Variants in TRPC5 observed in about 807,000 individuals in gnomAD.
TRPC5 encodes short transient receptor potential channel 5.
TRPC5 carries 9 observed loss-of-function variants against 56.5 expected under a neutral mutation model. That is an observed-to-expected ratio of 0.16 (90% confidence interval 0.10 to 0.28). The LOEUF (loss-of-function observed/expected upper bound fraction) is 0.28, where lower values mean the gene tolerates loss of function less well. TRPC5 is among the 10% of genes least tolerant of loss of function. The probability of loss-of-function intolerance (pLI) is 1.00; values close to 1 mark genes in which losing one functional copy is unlikely to be tolerated. For missense variants in TRPC5, 469 were observed against 748.9 expected (o/e 0.63, Z 4.36); for synonymous variants, 282 against 278.5 (o/e 1.01, Z -0.13).
chrX:111,796,988 T>C (rs1300138576), intron 7 of TRPC5, among the ~76,000 whole-genome samples: 1 of 112,604 alleles, frequency 8.9e-6, no homozygotes, highest in Non-Finnish European at 1.9e-5. Flanking sequence ...AAAATCTCTT[T>C]CTTTACTTGC....
chrX:111,781,471 A>G (rs939125582), intron 8 of TRPC5, among the ~76,000 whole-genome samples: 43 of 112,318 alleles, frequency 3.8e-4, no homozygotes, highest in Non-Finnish European at 1.1e-4. Context: ...CATGCCTGCA[A>G]TCCCAGCACT....
rs181100269 is a variant in TRPC5 at position 111,856,956 on chromosome X, C to A, written c.901-2850G>T. On this transcript the variant is annotated intron_variant, in intron 3 of 10. Coordinates refer to ENST00000262839, the MANE Select transcript of TRPC5 (RefSeq NM_012471.3). Reference sequence around the variant, plus strand: ...GCTCTGTTGTTTACTAACTGTGCAACTGAACAAGTTCTACTCTGTTTTTTA... The same window carrying A: ...GCTCTGTTGTTTACTAACTGTGCAAATGAACAAGTTCTACTCTGTTTTTTA... Among the ~76,000 whole-genome samples, 5 of 110,671 alleles carry A rather than the reference C, an allele frequency of 4.5e-5. No individual in the cohort carries two copies. The East Asian group carries it at 8.5e-4, about 19-fold the overall frequency.
At chrX:111,935,546 G>A (rs2034787084) in intron 2 of TRPC5, among the ~76,000 whole-genome samples, 1 of 111,864 alleles carries the variant, frequency 8.9e-6, no homozygotes, top group Middle Eastern at 4.6e-3. Context: ...TCTTTGCCCA[G>A]ACCAATGTCT....
chrX:112,073,680 G>T (rs1321818718), intron 1 of TRPC5, among the ~76,000 whole-genome samples: 1 of 111,846 alleles, frequency 8.9e-6, no homozygotes, highest in East Asian at 2.8e-4. Flanking sequence ...ATTTTCAAAT[G>T]ACTCCAAGCC....
At chrX:111,905,914 CAAAAA>C (rs1202912083) in intron 3 of TRPC5, among the ~76,000 whole-genome samples, 1 of 37,016 alleles carries the variant, frequency 2.7e-5, no homozygotes, top group Non-Finnish European at 4.9e-5. Context: ...GTCTCTGTCT[CAAAAA>C]AAAAAAAAAA....
chrX:111,886,936 G>A (rs1924533047), intron 3 of TRPC5, among the ~76,000 whole-genome samples: 1 of 112,913 alleles, frequency 8.9e-6, no homozygotes, highest in African/African-American at 3.2e-5. Context: ...AGATGCCAAT[G>A]GTAGCAGTAT....
chrX:111,971,491 G>A (rs560719824), intron 1 of TRPC5, among the ~76,000 whole-genome samples: 6 of 111,565 alleles, frequency 5.4e-5, no homozygotes, highest in Middle Eastern at 4.6e-3. Flanking sequence ...CAGAGATGGA[G>A]TTGCTCTGAT....
chrX:111,903,832 G>T (rs779120205), intron 3 of TRPC5: 1 of 112,217 alleles, frequency 8.9e-6, no homozygotes, highest in Non-Finnish European at 1.9e-5. Flanking sequence ...GTTAAAATAT[G>T]TGGGGAGTTG....
intron 7 of TRPC5, among the ~76,000 whole-genome samples, chrX:111,830,900 G>T (rs766760126): frequency 8.9e-6 from 1 of 112,401 alleles, no homozygotes; most frequent in East Asian, 2.8e-4. Flanking sequence ...AGGCCTACCT[G>T]GATAATCTCT....
At chrX:111,857,038 G>A (rs781018626) in intron 3 of TRPC5, among the ~76,000 whole-genome samples, 14 of 111,202 alleles carry the variant, frequency 1.3e-4, no homozygotes, top group Non-Finnish European at 2.3e-4. Context: ...TTGGTGTGAG[G>A]ATTAAGATCA....
chrX:111,816,088 A>AT (rs1921853049), intron 7 of TRPC5, among the ~76,000 whole-genome samples: 1 of 111,634 alleles, frequency 9.0e-6, no homozygotes, highest in Admixed American at 9.5e-5. Flanking sequence ...AGAGATAGAA[A>AT]TGATATTCAG....
intron 3 of TRPC5, among the ~76,000 whole-genome samples, chrX:111,866,844 G>A (rs1336847337): frequency 8.9e-6 from 1 of 112,349 alleles, no homozygotes; most frequent in Non-Finnish European, 1.9e-5. Flanking sequence ...TTTAATGCCT[G>A]ATTCACATGC....
rs757480532 is a variant in TRPC5 at position 111,980,278 on chromosome X, A to G, written c.-21-27837T>C. ...ACAATATTCTTGAAAATTAAAATGA[A>G]TCTATAGTGAGAAAAAGATCAATGG... On this transcript the variant is annotated intron_variant, in intron 1 of 10. Coordinates refer to ENST00000262839, the MANE Select transcript of TRPC5 (RefSeq NM_012471.3). 4.5e-5 allele frequency among the ~76,000 whole-genome samples: 5 copies of G among 111,537 alleles called. No homozygotes were observed. The East Asian group carries it at 1.4e-3, about 31-fold the overall frequency.
chrX:111,989,489 C>T (rs1451228876), intron 1 of TRPC5, among the ~76,000 whole-genome samples: 1 of 111,763 alleles, frequency 8.9e-6, no homozygotes, highest in African/African-American at 3.3e-5. Flanking sequence ...TTTTCACACT[C>T]TTAAAGCCAA....
At chrX:111,885,081 A>T (rs968312949) in intron 3 of TRPC5, among the ~76,000 whole-genome samples, 4 of 112,865 alleles carry the variant, frequency 3.5e-5, no homozygotes, top group African/African-American at 9.6e-5. Flanking sequence ...AGCCTAGTCA[A>T]CTCAGTGAAG....
chrX:112,066,363 C>A (rs987656459), intron 1 of TRPC5, among the ~76,000 whole-genome samples: 4 of 111,618 alleles, frequency 3.6e-5, no homozygotes, highest in African/African-American at 1.3e-4. Context: ...CTGTGTTAGG[C>A]CCTGGGAATA....
At chrX:111,779,682 T>C (rs1945905205) in intron 9 of TRPC5, among the ~76,000 whole-genome samples, 1 of 112,210 alleles carries the variant, frequency 8.9e-6, no homozygotes, top group South Asian at 3.7e-4. Context: ...TACATACTTA[T>C]CACTCAATTT....
At chrX:111,946,086 A>C (rs983362935) in intron 2 of TRPC5, among the ~76,000 whole-genome samples, 3 of 112,406 alleles carry the variant, frequency 2.7e-5, no homozygotes, top group African/African-American at 9.7e-5. Context: ...GCAATGGAAG[A>C]AAATGAAATT....
chrX:111,843,574 A>G (rs1922822005), intron 6 of TRPC5, among the ~76,000 whole-genome samples: 1 of 111,565 alleles, frequency 9.0e-6, no homozygotes, highest in Admixed American at 9.6e-5. Context: ...TAGTTGGAGA[A>G]CAGCAAAATG....
Sources: gnomAD v4.1 joint callset for allele counts (sites outside exome capture counted in the v4.1 genomes callset) on GRCh38, gnomAD v4.1.1 for gene constraint, MANE v1.5 for transcripts, NCBI Gene and HGNC (gene_info 2026-07-23, HGNC 2026-07-21) for gene names.